WFS1: variants seen among roughly 807,000 people sequenced by gnomAD.
WFS1 encodes wolframin ER transmembrane glycoprotein, also known as wolframin.
In WFS1, 90 loss-of-function variants were observed where a neutral mutation model predicts 68.5. That is an observed-to-expected ratio of 1.31 (90% CI 1.11 to 1.56). WFS1 has a LOEUF of 1.56. Among genes scored for constraint, WFS1 ranks in the 40% most tolerant of loss-of-function variants. The probability of loss-of-function intolerance (pLI) is 0.00; values close to 1 mark genes in which losing one functional copy is unlikely to be tolerated. For synonymous variants in WFS1, 860 were observed against 540.7 expected, an observed-to-expected ratio of 1.59 and a Z score of -8.19; for missense variants, 1,767 against 1,232.6, an observed-to-expected ratio of 1.43 and a Z score of -6.49.
chr4:6,291,785 C>G (rs937369855), intron 5 of WFS1, 132 bp from the exon 6 acceptor site: 3 of 991,686 alleles, frequency 3.0e-6, no homozygotes, highest in African/African-American at 3.2e-5. Flanking sequence ...CCTGGGGGCC[C>G]TATGATCCCC....
intron 1 of WFS1, among the ~76,000 whole-genome samples, chr4:6,271,728 GGAC>G (rs1729849642): frequency 1.3e-5 from 2 of 152,124 alleles, no homozygotes; most frequent in Non-Finnish European, 2.9e-5. Context: ...GCCTCTCCCT[GGAC>G]GACCCCCAGG....
In WFS1 at chr4:6,287,995, T is replaced by A. The variant is rs966720968; in HGVS notation, c.315+820T>A. Among the ~76,000 whole-genome samples the A allele has an allele frequency of 2.6e-5, 4 of 152,122 alleles. No individual in the cohort carries two copies. The highest frequency in any genetic ancestry group is 9.7e-5 in the African/African-American group (4 of 41,416). ...ACTTTGGGAGGCTGAGGCGGGTGGA[T>A]CACCTGAGGTCAGGAGTTCGTGACC... On this transcript the variant is annotated intron_variant, in intron 3 of 7. Coordinates refer to ENST00000226760, the MANE Select transcript of WFS1 (RefSeq NM_006005.3). The surrounding 1 kb of genome is among the most constrained non-coding windows in gnomAD (Gnocchi z 6.4).
chr4:6,275,089 C>T (rs1000416808), intron 1 of WFS1, among the ~76,000 whole-genome samples: 3 of 152,180 alleles, frequency 2.0e-5, no homozygotes, highest in African/African-American at 7.2e-5. Flanking sequence ...GACAATAGGA[C>T]CTACCTTCCA....
intron 1 of WFS1, 101 bp from the exon 2 acceptor site, chr4:6,277,350 C>T (rs941721036): frequency 8.7e-6 from 10 of 1,143,818 alleles, no homozygotes; most frequent in Middle Eastern, 2.4e-4. Context: ...TGTCTGGCAG[C>T]TCCCACCTGC....
chr4:6,301,035 TTCG>T lies in WFS1; in HGVS notation c.1243_1245del (p.Val415del), dbSNP rs863224265. ...TGCCCATTTCCTGCTCTCTGTCTTC[TTCG>T]TCATCTTCTCCTTCCCCATCGCCAG... On this transcript the variant is annotated inframe_deletion, in exon 8 of 8. Transcript: ENST00000226760. 103 of 1,614,026 alleles carry T rather than the reference TTCG, an allele frequency of 6.4e-5. No individual in the cohort carries two copies. The highest frequency in any genetic ancestry group is 3.3e-4 in the Admixed American group (20 of 60,000).
Position 6,280,989 on chromosome 4 carries a change from C to T in WFS1, c.232+3302C>T, listed in dbSNP as rs1002666860. 2.6e-5 allele frequency among the ~76,000 whole-genome samples: 4 copies of T among 152,226 alleles called. No homozygotes were observed. In the East Asian group the frequency reaches 7.7e-4, roughly 29 times the overall value. On this transcript the variant is annotated intron_variant, in intron 2 of 7. Transcript: ENST00000226760. ...AGGGAATCACCCTACTGTGAGGTGG[C>T]CCAGCTCACTGTGAGACTCTGGGGC...
At chr4:6,285,622 G>A (rs1730291498) in intron 2 of WFS1, among the ~76,000 whole-genome samples, 1 of 152,206 alleles carries the variant, frequency 6.6e-6, no homozygotes, top group Non-Finnish European at 1.5e-5. Context: ...TCCAAACTGG[G>A]TGTGACCCTT....
rs187066832 is a variant in WFS1 at position 6,287,988 on chromosome 4, G to A, written c.315+813G>A. On this transcript the variant is annotated intron_variant, in intron 3 of 7. Transcript: ENST00000226760. This position sits in a 1 kb window ranked among gnomAD's most constrained non-coding sequence, Gnocchi z 6.4. ...TCCCAGCACTTTGGGAGGCTGAGGC[G>A]GGTGGATCACCTGAGGTCAGGAGTT... 1.4e-4 allele frequency among the ~76,000 whole-genome samples: 21 copies of A among 152,192 alleles called. No individual in the cohort carries two copies. The highest frequency in any genetic ancestry group is 2.9e-4 in the African/African-American group (12 of 41,518).
intron 4 of WFS1, among the ~76,000 whole-genome samples, chr4:6,290,084 G>A (rs1186369421): frequency 2.0e-5 from 3 of 152,130 alleles, no homozygotes; most frequent in Admixed American, 6.5e-5. Context: ...GATTACAGGC[G>A]TGCATTACCA....
At chr4:6,292,834 T>C (rs1316397273) in intron 6 of WFS1, among the ~76,000 whole-genome samples, 1 of 152,112 alleles carries the variant, frequency 6.6e-6, no homozygotes, top group African/African-American at 2.4e-5. Flanking sequence ...CTGAAGGACC[T>C]CGCCCATCCT....
intron 2 of WFS1, among the ~76,000 whole-genome samples, chr4:6,281,769 T>G (rs1730176086): frequency 6.6e-6 from 1 of 152,096 alleles, no homozygotes; most frequent in East Asian, 1.9e-4. Flanking sequence ...CACCGTTGAT[T>G]ATTTAGGAAG....
intron 3 of WFS1, 38 bp from the exon 4 acceptor site, chr4:6,288,949 T>G: frequency 6.3e-7 from 1 of 1,598,768 alleles, no homozygotes; most frequent in Admixed American, 1.7e-5. Flanking sequence ...TGGGAGAGGG[T>G]CGGAGAATCT....
At chr4:6,299,653 ATGTGTGTGTAGGGGTGGGTTGTT>A (rs1730781926) in intron 7 of WFS1, among the ~76,000 whole-genome samples, 2 of 41,138 alleles carry the variant, frequency 4.9e-5, no homozygotes, top group Non-Finnish European at 4.2e-5. Flanking sequence ...GTGTGTGTGA[ATGTGTGTGTAGGGGTGGGTTGTT>A]TGCGGGTAGG....
chr4:6,279,605 A>C (rs1209167500), intron 2 of WFS1, among the ~76,000 whole-genome samples: 3 of 152,156 alleles, frequency 2.0e-5, no homozygotes, highest in Non-Finnish European at 1.5e-5. Context: ...CCCTGGTGAC[A>C]GGAGTGAAGG....
chr4:6,271,705 G>T (rs543103882), intron 1 of WFS1, among the ~76,000 whole-genome samples: 2 of 152,068 alleles, frequency 1.3e-5, no homozygotes, highest in African/African-American at 4.8e-5. Context: ...GCCTGCCCTG[G>T]TTCAGGACCC....
In WFS1 at chr4:6,275,450, T is replaced by C. The variant is rs150071821; in HGVS notation, c.-5-2001T>C. On this transcript the variant is annotated intron_variant, in intron 1 of 7. Coordinates refer to ENST00000226760, the MANE Select transcript of WFS1 (RefSeq NM_006005.3). ...ACGTGCAGTTAAATGGCTGCTTTTGTGGAAGGTGCCAGTTCCCGGGAGCTG... is the reference window on the plus strand; with the variant it reads ...ACGTGCAGTTAAATGGCTGCTTTTGCGGAAGGTGCCAGTTCCCGGGAGCTG... 3.5e-3 allele frequency among the ~76,000 whole-genome samples: 529 copies of C among 152,196 alleles called. 6 individuals carry two copies. The highest frequency in any genetic ancestry group is 0.011 in the African/African-American group (447 of 41,526).
At position 6,302,756 on chromosome 4, in the gene WFS1, C is replaced by T. The variant is rs56072224; in HGVS notation, c.*288C>T. ...TGTGCCAGGCTAGACTAGGAGGTTCCGGTGTCTGGAAAAGCACTTTACAGA... is the reference window on the plus strand; with the variant it reads ...TGTGCCAGGCTAGACTAGGAGGTTCTGGTGTCTGGAAAAGCACTTTACAGA... On this transcript the variant is annotated 3_prime_UTR_variant, in exon 8 of 8. Transcript: ENST00000226760. 3.3e-3 allele frequency: 1,737 copies of T among 534,086 alleles called. 4 individuals are homozygous for T. The highest frequency in any genetic ancestry group is 7.0e-3 in the Middle Eastern group (14 of 1,988). 33.1% of individuals were successfully genotyped at this position (534,086 alleles called of 1,614,324 possible).
In WFS1 at chr4:6,270,339, TCCCCGCG is replaced by T. The variant is rs1336162792; in HGVS notation, c.-6+335_-6+341del. Among the ~76,000 whole-genome samples the T allele has an allele frequency of 2.1e-3, 314 of 146,274 alleles. 3 individuals carry two copies. The highest frequency in any genetic ancestry group is 4.0e-3 in the Non-Finnish European group (265 of 66,106). On this transcript the variant is annotated intron_variant, in intron 1 of 7. Transcript: ENST00000226760. The stretch of plus-strand genomic sequence containing the variant: ...CGGAGCGGCCGGCGGGCAGGCCCCC[TCCCCGCG>T]CCCCGCGCCATCCCCCCCGAGTTGC...
chr4:6,295,249 G>A, intron 7 of WFS1, 60 bp downstream of exon 7: 2 of 1,603,478 alleles, frequency 1.2e-6, no homozygotes, highest in South Asian at 1.1e-5. Context: ...GCGCACCTCA[G>A]GCAGGGCACC....
Sources: allele counts gnomAD v4.1 joint callset (sites outside exome capture counted in the v4.1 genomes callset), GRCh38; gene constraint gnomAD v4.1.1; non-coding constraint Gnocchi (gnomAD v3.1); transcripts MANE v1.5; gene names NCBI Gene and HGNC (gene_info 2026-07-23, HGNC 2026-07-21).